NPTN: variants seen among roughly 807,000 people sequenced by gnomAD.
NPTN encodes SDR-1.
In NPTN, 5 loss-of-function variants were observed where a neutral mutation model predicts 42.7. That is an observed-to-expected ratio of 0.12 (90% CI 0.06 to 0.25). The LOEUF (loss-of-function observed/expected upper bound fraction) is 0.25, where lower values mean the gene tolerates loss of function less well. Ranked by LOEUF, NPTN falls within the 10% of genes least tolerant of loss-of-function variation. The probability of loss-of-function intolerance (pLI) is 1.00; values close to 1 mark genes in which losing one functional copy is unlikely to be tolerated. For synonymous variants in NPTN, 180 were observed against 201.9 expected, an observed-to-expected ratio of 0.89 and a Z score of 0.92; for missense variants, 307 against 525.4, an observed-to-expected ratio of 0.58 and a Z score of 4.06.
At chr15:73,629,508 A>T (rs1050329899) in intron 1 of NPTN, among the ~76,000 whole-genome samples, 22 of 152,124 alleles carry the variant, frequency 1.4e-4, no homozygotes, top group African/African-American at 5.3e-4. Flanking sequence ...AGATCCATGA[A>T]TCATCTAATG....
chr15:73,587,759 A>G lies in NPTN; in HGVS notation c.612-141T>C, dbSNP rs1896388666. ...CACCTCCTTCTAACTAAAAGCAAAA[A>G]TTCCTCTCTGTGCATCCTAAAACAT... On this transcript the variant is annotated intron_variant, in intron 3 of 8. Coordinates refer to ENST00000345330, the MANE Select transcript of NPTN (RefSeq NM_012428.4). 4.8e-6 allele frequency: 3 copies of G among 631,090 alleles called. No homozygotes were observed. In the East Asian group the frequency reaches 8.3e-5, roughly 17 times the overall value. 39.1% of individuals were successfully genotyped at this position (631,090 alleles called of 1,614,324 possible). A position where few individuals can be genotyped will look rare whatever the true frequency, so the allele number is the denominator to read the frequency against.
rs1897109071 is a variant in NPTN at position 73,602,144 on chromosome 15, G to C, written c.92-4775C>G. On this transcript the variant is annotated intron_variant, in intron 1 of 8. Transcript: ENST00000345330. ...AGCTAGCCTAGCCCTATATAGGAGA[G>C]ACTATCATGATTTTTCACATTTACC... Among the ~76,000 whole-genome samples the C allele has an allele frequency of 2.1e-5, 3 of 144,138 alleles. No homozygotes were observed. The Admixed American group carries it at 2.1e-4, about 10-fold the overall frequency. The allele number at this position is 144,138 out of a possible 152,430, so 94.6% of individuals were successfully genotyped here. A position where few individuals can be genotyped will look rare whatever the true frequency, so the allele number is the denominator to read the frequency against.
At chr15:73,591,878 T>C (rs1183744460) in intron 3 of NPTN, 88 bp downstream of exon 3, 1 of 1,309,242 alleles carries the variant, frequency 7.6e-7, no homozygotes, top group Non-Finnish European at 1.1e-6. Flanking sequence ...TCATGTCCCT[T>C]CTGCATGGCG....
intron 1 of NPTN, among the ~76,000 whole-genome samples, chr15:73,620,165 G>A (rs185098477): frequency 1.3e-5 from 2 of 152,314 alleles, no homozygotes; most frequent in East Asian, 3.9e-4. Context: ...TGTTTTCAAA[G>A]CATGTATTCT....
At chr15:73,580,187 A>G (rs563586552) in intron 4 of NPTN, among the ~76,000 whole-genome samples, 1 of 151,530 alleles carries the variant, frequency 6.6e-6, no homozygotes, top group East Asian at 1.9e-4. Flanking sequence ...CTGAGGGGAA[A>G]ATAAACTAGA....
At chr15:73,600,422 C>A (rs184936580) in intron 1 of NPTN, among the ~76,000 whole-genome samples, 1 of 152,172 alleles carries the variant, frequency 6.6e-6, no homozygotes, top group African/African-American at 2.4e-5. Context: ...ATGTGCTAAG[C>A]ACTTTATTCA....
intron 8 of NPTN, among the ~76,000 whole-genome samples, chr15:73,561,291 C>CA (rs1340785259): frequency 6.6e-6 from 1 of 152,130 alleles, no homozygotes; most frequent in Non-Finnish European, 1.5e-5. Context: ...AAGAAGGTGA[C>CA]AATTTTCACC....
intron 4 of NPTN, among the ~76,000 whole-genome samples, chr15:73,574,134 T>C (rs952580537): frequency 6.6e-6 from 1 of 152,192 alleles, no homozygotes; most frequent in African/African-American, 2.4e-5. Context: ...AACACTATTA[T>C]CTCTTCTATC....
chr15:73,599,167 G>C (rs1896960903), intron 1 of NPTN, among the ~76,000 whole-genome samples: 1 of 152,076 alleles, frequency 6.6e-6, no homozygotes, highest in Non-Finnish European at 1.5e-5. Flanking sequence ...CTCAGATGCA[G>C]GAGAAGCTTT....
chr15:73,617,829 C>T (rs1285910184), intron 1 of NPTN, among the ~76,000 whole-genome samples: 1 of 152,196 alleles, frequency 6.6e-6, no homozygotes, highest in African/African-American at 2.4e-5. Flanking sequence ...GAGCAATTTT[C>T]ACTATAACCT....
At chr15:73,562,271 C>T (rs1429453744) in intron 7 of NPTN, among the ~76,000 whole-genome samples, 1 of 152,140 alleles carries the variant, frequency 6.6e-6, no homozygotes, top group Non-Finnish European at 1.5e-5. Context: ...CAAAATGCTC[C>T]AATGAGCATT....
intron 1 of NPTN, among the ~76,000 whole-genome samples, chr15:73,601,252 C>A (rs1248467151): frequency 2.0e-5 from 3 of 151,948 alleles, no homozygotes; most frequent in African/African-American, 7.3e-5. Flanking sequence ...TCTAAACAAA[C>A]TAAGGAATTC....
intron 5 of NPTN, among the ~76,000 whole-genome samples, chr15:73,571,632 G>C (rs956682957): frequency 6.6e-6 from 1 of 152,160 alleles, no homozygotes; most frequent in Non-Finnish European, 1.5e-5. Flanking sequence ...TGAAGGCAGA[G>C]GTGCAAGAGT....
In NPTN at chr15:73,563,255, C is replaced by T; in HGVS notation, c.1117G>A (p.Asp373Asn). 1 of 1,610,142 alleles carries T rather than the reference C, an allele frequency of 6.2e-7. No individual in the cohort carries two copies. ...RKRPDEVPDD[D>N]EPAGPMKTNS... is the part of the protein sequence containing the mutation. ...ACTTACATTGGTCCAGCTGGTTCAT[C>T]ATCTACATGGTGTTCAGTTTTTTAA... The change falls in exon 7 of 9, where the codon GAT (aspartate) becomes AAT (asparagine). Residue 373 changes from aspartate to asparagine, a missense_variant and splice_region_variant. This residue lies in a region of NPTN where 264 missense variants were observed against 491.1 expected (regional missense o/e 0.54). Transcript: ENST00000345330.
chr15:73,580,441 A>ATAATATATATATAATATATATAAT (rs1555408012), intron 4 of NPTN, among the ~76,000 whole-genome samples: 77 of 113,946 alleles, frequency 6.8e-4, no homozygotes, highest in Non-Finnish European at 1.0e-3. Context: ...TAATATATAT[A>ATAATATATATATAATATATATAAT]ATATATATGT....
chr15:73,584,011 T>G (rs1181808451), intron 4 of NPTN, among the ~76,000 whole-genome samples: 5 of 152,306 alleles, frequency 3.3e-5, no homozygotes, highest in Admixed American at 3.3e-4. Context: ...TTATTCTTAA[T>G]AGTCAAATAT....
At position 73,560,242 on chromosome 15, in the gene NPTN, C is replaced by T. The variant is rs1200527248; in HGVS notation, c.*821G>A. 2 of 173,088 alleles carry T rather than the reference C, an allele frequency of 1.2e-5. No individual in the cohort carries two copies. The highest frequency in any genetic ancestry group is 2.4e-5 in the Non-Finnish European group (2 of 82,270). 10.7% of individuals were successfully genotyped at this position (173,088 alleles called of 1,614,324 possible). The stretch of plus-strand genomic sequence containing the variant: ...TGCATAGAATATTACCATGCTATAA[C>T]ATTTCAAGGTCATTGGAAACAAAAG... On this transcript the variant is annotated 3_prime_UTR_variant, in exon 9 of 9. Transcript: ENST00000345330.
At chr15:73,588,896 C>G (rs750157451) in intron 3 of NPTN, among the ~76,000 whole-genome samples, 9 of 152,134 alleles carry the variant, frequency 5.9e-5, no homozygotes, top group Non-Finnish European at 1.3e-4. Context: ...GCATACTATC[C>G]CATACCGAGT....
At chr15:73,627,290 C>T (rs1898469753) in intron 1 of NPTN, among the ~76,000 whole-genome samples, 1 of 152,084 alleles carries the variant, frequency 6.6e-6, no homozygotes, top group Non-Finnish European at 1.5e-5. Context: ...CATAAAGCTC[C>T]AGTAGTTAAG....
Sources: gnomAD v4.1 joint callset for allele counts (sites outside exome capture counted in the v4.1 genomes callset) on GRCh38, gnomAD v4.1.1 for gene constraint, gnomAD v4.1.1 regional missense constraint, MANE v1.5 for transcripts, NCBI Gene and HGNC (gene_info 2026-07-23, HGNC 2026-07-21) for gene names.